The following MYO5B variants were observed in gnomAD, a reference collection of about 807,000 sequenced individuals.
The protein encoded by MYO5B is myosin VB.
In MYO5B, 143 loss-of-function variants were observed where a neutral mutation model predicts 229.3. That is an observed-to-expected ratio of 0.62 (90% CI 0.54 to 0.72). The LOEUF is 0.72. Ranked by LOEUF, MYO5B falls within the 30% of genes least tolerant of loss-of-function variation. The probability of loss-of-function intolerance (pLI) is 0.00; values close to 1 mark genes in which losing one functional copy is unlikely to be tolerated. For missense variants in MYO5B, 2,321 were observed against 2,331.0 expected (o/e 1.00, Z 0.09); for synonymous variants, 918 against 885.2 (o/e 1.04, Z -0.66).
At chr18:50,113,408 G>C (rs1340885879) in intron 1 of MYO5B, among the ~76,000 whole-genome samples, 1 of 152,172 alleles carries the variant, frequency 6.6e-6, no homozygotes, top group Admixed American at 6.5e-5. Flanking sequence ...CCATGGTTTG[G>C]AGGCAGATAA....
intron 1 of MYO5B, among the ~76,000 whole-genome samples, chr18:50,135,716 A>C (rs1233028012): frequency 6.6e-6 from 1 of 152,228 alleles, no homozygotes. Context: ...ACGCTGTCTT[A>C]CTATTGTAAA....
At chr18:50,095,978 C>T (rs1302144446) in intron 1 of MYO5B, among the ~76,000 whole-genome samples, 1 of 152,140 alleles carries the variant, frequency 6.6e-6, no homozygotes, top group Non-Finnish European at 1.5e-5. Context: ...AGGTCAATAT[C>T]ACCCACCTCC....
intron 1 of MYO5B, among the ~76,000 whole-genome samples, chr18:50,120,071 GA>G (rs2032032714): frequency 6.6e-6 from 1 of 152,216 alleles, no homozygotes; most frequent in Admixed American, 6.5e-5. Context: ...GTTCTCCACA[GA>G]AAGTGGTGTG....
At chr18:49,949,625 T>C (rs550372787) in intron 14 of MYO5B, among the ~76,000 whole-genome samples, 1 of 152,306 alleles carries the variant, frequency 6.6e-6, no homozygotes, top group South Asian at 2.1e-4. Flanking sequence ...TAATTATTCA[T>C]GATGACTTGT....
At chr18:49,865,094 G>C (rs548614059) in intron 27 of MYO5B, among the ~76,000 whole-genome samples, 7 of 152,322 alleles carry the variant, frequency 4.6e-5, no homozygotes, top group Admixed American at 3.3e-4. Context: ...TGGGATACAT[G>C]AGATTCAAAA....
rs1598822435 is a variant in MYO5B, at chr18:49,839,233, G to A, written c.4763C>T (p.Thr1588Ile). The A allele has an allele frequency of 6.2e-7, 1 of 1,614,170 alleles. No homozygotes were observed. Among genetic ancestry groups the A allele is most frequent in the South Asian group, 1.1e-5 (1 of 91,076 alleles). ...GTCACTCAGCACCTGACGGTATTCG[G>A]TGAGGTCAAAATTCTTAAGACAGTG... ...NEHCLKNFDL[T>I]EYRQVLSDLS... Residue 1588 changes from threonine to isoleucine, a missense_variant, in exon 36 of 40, where the codon ACC becomes ATC. Physicochemically the swap from Thr to Ile is moderately conservative, Grantham distance 89. Transcript: ENST00000285039.
At chr18:50,130,245 A>AT (rs1439927729) in intron 1 of MYO5B, among the ~76,000 whole-genome samples, 6 of 152,282 alleles carry the variant, frequency 3.9e-5, no homozygotes, top group Admixed American at 2.6e-4. Context: ...GCCTCTTGTG[A>AT]TTTTTTCAAG....
At chr18:50,148,261 A>C (rs1380848066) in intron 1 of MYO5B, among the ~76,000 whole-genome samples, 1 of 149,886 alleles carries the variant, frequency 6.7e-6, no homozygotes, top group Non-Finnish European at 1.5e-5. Context: ...AGGTACAAGG[A>C]GGAACTGGTA....
chr18:49,949,228 G>C (rs2025406714), intron 14 of MYO5B, among the ~76,000 whole-genome samples: 1 of 152,070 alleles, frequency 6.6e-6, no homozygotes, highest in Non-Finnish European at 1.5e-5. Context: ...TGGTGGCCAG[G>C]AATAGGCAAT....
In MYO5B at chr18:49,902,719, T is replaced by C; in HGVS notation, c.2686A>G (p.Met896Val). The C allele has an allele frequency of 5.0e-6, 8 of 1,611,084 alleles. No individual in the cohort carries two copies. Among genetic ancestry groups the C allele is most frequent in the Non-Finnish European group, 6.8e-6 (8 of 1,180,008 alleles). The change falls in exon 21 of 40, where the codon ATG (methionine) becomes GTG (valine). Residue 896 changes from methionine to valine, a missense_variant. Physicochemically the swap from Met to Val is conservative, Grantham distance 21 (BLOSUM62 1). Coordinates refer to ENST00000285039, the MANE Select transcript of MYO5B (RefSeq NM_001080467.3). ...TTCAGCTCCCGCCTGGCCTTGAGCA[T>C]CCGGAAGGCACACTGGATGACAATG... ...AAIVIQCAFR[M>V]LKARRELKAL...
At chr18:50,158,055 A>G (rs2032709425) in intron 1 of MYO5B, among the ~76,000 whole-genome samples, 1 of 152,204 alleles carries the variant, frequency 6.6e-6, no homozygotes, top group Non-Finnish European at 1.5e-5. Flanking sequence ...TGGCAGGAGC[A>G]CATCTAAGGT....
intron 10 of MYO5B, chr18:49,970,958 T>G (rs1291349795): frequency 5.3e-5 from 8 of 152,180 alleles, no homozygotes. Context: ...CCACTCTTGC[T>G]CAAAAGAGAC....
intron 1 of MYO5B, among the ~76,000 whole-genome samples, chr18:50,145,475 G>A (rs1421121256): frequency 2.7e-5 from 3 of 112,400 alleles, no homozygotes; most frequent in Non-Finnish European, 4.9e-5. Context: ...TCCAGCCTGG[G>A]CAACAGAGCA....
chr18:49,824,687 C>G lies in MYO5B; in HGVS notation c.*1784G>C, dbSNP rs908360710. 1 of 152,078 alleles carries G rather than the reference C, an allele frequency of 6.6e-6. No individual in the cohort carries two copies. The highest frequency in any genetic ancestry group is 2.4e-5 in the African/African-American group (1 of 41,390). The allele number at this position is 152,078 out of a possible 1,614,324, so 9.4% of individuals were successfully genotyped here. A position where few individuals can be genotyped will look rare whatever the true frequency, so the allele number is the denominator to read the frequency against. ...CAACTTTAAAGAGGTAGCCACAAAC[C>G]CAGTTGTTTTAGATTGGCCTTCTAA... is the stretch of plus-strand genomic sequence containing the variant. On this transcript the variant is annotated 3_prime_UTR_variant, in exon 40 of 40. Transcript: ENST00000285039.
intron 2 of MYO5B, among the ~76,000 whole-genome samples, chr18:50,048,112 CAA>C (rs560094446): frequency 2.0e-4 from 29 of 141,982 alleles, no homozygotes; most frequent in South Asian, 2.0e-3. Flanking sequence ...ATAAAGTGTA[CAA>C]AAAAAAAAAC....
Position 49,893,457 on chromosome 18 carries a change from G to T in MYO5B, c.3045+1484C>A, listed in dbSNP as rs559787618. On this transcript the variant is annotated intron_variant, in intron 22 of 39. Coordinates refer to ENST00000285039, the MANE Select transcript of MYO5B (RefSeq NM_001080467.3). ...CAAGTGTGGTATTCCATGATTTGTA[G>T]GTTACAAGACTTGTAGACACATTTA... Among the ~76,000 whole-genome samples, 8 of 152,270 alleles carry T rather than the reference G, an allele frequency of 5.3e-5. No individual in the cohort carries two copies. The South Asian group carries it at 1.5e-3, about 28-fold the overall frequency.
rs933491644 is a variant in MYO5B at position 49,917,039 on chromosome 18, G to A, written c.2091-4866C>T. Among the ~76,000 whole-genome samples, 3 of 152,318 alleles carry A rather than the reference G, an allele frequency of 2.0e-5. No homozygotes were observed. In the East Asian group the frequency reaches 5.8e-4, roughly 29 times the overall value. Reference sequence around the variant, plus strand: ...AACAGCCCACTCATGAAGACCACAGGCTGTCCAGGGTTTCTTGAGGCTGCC... The same window carrying A: ...AACAGCCCACTCATGAAGACCACAGACTGTCCAGGGTTTCTTGAGGCTGCC... On this transcript the variant is annotated intron_variant, in intron 17 of 39. Transcript: ENST00000285039.
chr18:50,076,609 G>A (rs962906704), intron 1 of MYO5B, among the ~76,000 whole-genome samples: 4 of 152,150 alleles, frequency 2.6e-5, no homozygotes, highest in African/African-American at 9.7e-5. Context: ...GAGCAAAGGG[G>A]ATCCGGCAGT....
chr18:50,058,747 G>C (rs1033442391), intron 1 of MYO5B, among the ~76,000 whole-genome samples: 1 of 152,092 alleles, frequency 6.6e-6, no homozygotes, highest in Non-Finnish European at 1.5e-5. Flanking sequence ...GGAGGCGGAG[G>C]TTGCAGTGAG....
Sources: allele counts gnomAD v4.1 joint callset (sites outside exome capture counted in the v4.1 genomes callset), GRCh38; gene constraint gnomAD v4.1.1; transcripts MANE v1.5; gene names NCBI Gene and HGNC (gene_info 2026-07-23, HGNC 2026-07-21).